RTP2: variants seen among roughly 807,000 people sequenced by gnomAD.
RTP2 encodes receptor-transporting protein 2.
RTP2 carries 12 observed loss-of-function variants against 17.9 expected under a neutral mutation model. The observed-to-expected ratio is 0.67, with a 90% CI of 0.43 to 1.09. The LOEUF (loss-of-function observed/expected upper bound fraction) is 1.09. RTP2 is among the 50% of genes least tolerant of loss of function. The pLI is 0.00. For synonymous variants in RTP2, 126 were observed against 117.7 expected (o/e 1.07, Z -0.46); for missense variants, 327 against 295.7 (o/e 1.11, Z -0.78).
chr3:187,710,659 C>A, the RTP2 span, among the ~76,000 whole-genome samples: 3 of 151,406 alleles, frequency 2.0e-5, no homozygotes, highest in Non-Finnish European at 2.9e-5. Flanking sequence ...ATATACACAC[C>A]CCACATATAG....
exon 1 of RTP2, chr3:187,702,105 A>G: frequency 6.2e-7 from 1 of 1,611,672 alleles, no homozygotes; most frequent in Non-Finnish European, 8.5e-7. Flanking sequence ...TCTTCCACTC[A>G]CAAGTGGTCA....
At chr3:187,712,772 C>A in the RTP2 span, among the ~76,000 whole-genome samples, 1 of 152,194 alleles carries the variant, frequency 6.6e-6, no homozygotes, top group Non-Finnish European at 1.5e-5. Flanking sequence ...TCCCAGAACA[C>A]CCCTAGTGAG....
chr3:187,703,220 C>T (rs1480142142), upstream of RTP2, among the ~76,000 whole-genome samples: 2 of 152,238 alleles, frequency 1.3e-5, no homozygotes, highest in Admixed American at 6.5e-5. Context: ...CAACTTCCAA[C>T]TGTAATCATC....
chr3:187,701,940 G>A (rs9812190), intron 1 of RTP2, 25 bp downstream of exon 1: 200,628 of 1,544,644 alleles, frequency 0.13, 14,871 homozygotes, highest in African/African-American at 0.31. Flanking sequence ...CTGTCTGCAA[G>A]GTCCCTCCCC....
chr3:187,702,199 G>A (rs979211786), exon 1 of RTP2: 10 of 1,453,734 alleles, frequency 6.9e-6, no homozygotes, highest in East Asian at 2.3e-5. Flanking sequence ...GGATAGGTAC[G>A]GGACAATTCA....
chr3:187,698,785 C>G lies in RTP2; in HGVS notation c.391G>C (p.Glu131Gln), dbSNP rs1717760054. ...ATGCGGTACTGGCCACCATCCTCCT[C>G]GTAGCACTGCTCGCGCAGGCTGGTG... The change falls in exon 2 of 2, where the codon GAG becomes CAG. Residue 131 changes from glutamate to glutamine, a missense_variant. Transcript: ENST00000358241. 3 of 1,613,884 alleles carry G rather than the reference C, an allele frequency of 1.9e-6. No individual in the cohort carries two copies. The East Asian group carries it at 6.7e-5, about 36-fold the overall frequency.
At chr3:187,714,802 T>A in the RTP2 span, among the ~76,000 whole-genome samples, 7 of 151,768 alleles carry the variant, frequency 4.6e-5, no homozygotes, top group East Asian at 1.4e-3. Context: ...TAGGCAGGGG[T>A]CTTGGTGTTT....
Position 187,698,837 on chromosome 3 carries a change from G to A in RTP2, c.339C>T (p.Asn113=), listed in dbSNP as rs764780736. The A allele has an allele frequency of 4.3e-6, 7 of 1,613,012 alleles. No individual in the cohort carries two copies. In the South Asian group the frequency reaches 5.5e-5, roughly 13 times the overall value. ...TGAGGTTGTCCACCAGGCCCTCGAT[G>A]TTCTCCTCCAGCATGCTGGACTCGT... The change falls in exon 2 of 2, where the codon AAC becomes AAT. Residue 113 remains asparagine (N), a synonymous_variant. Transcript: ENST00000358241.
the RTP2 span, among the ~76,000 whole-genome samples, chr3:187,714,697 C>G: frequency 6.6e-6 from 1 of 152,190 alleles, no homozygotes; most frequent in East Asian, 1.9e-4. Flanking sequence ...CTCAACAAAC[C>G]TGTACAGACG....
chr3:187,710,399 A>ATC, the RTP2 span, among the ~76,000 whole-genome samples: 1 of 140,854 alleles, frequency 7.1e-6, no homozygotes, highest in Non-Finnish European at 1.5e-5. Context: ...ATATATATAT[A>ATC]TCATATATTA....
chr3:187,712,622 A>G, the RTP2 span, among the ~76,000 whole-genome samples: 1 of 152,182 alleles, frequency 6.6e-6, no homozygotes, highest in East Asian at 1.9e-4. Context: ...TGAAAATATC[A>G]GGAGGCATGA....
rs757399958 is a variant in RTP2, at chr3:187,698,868, C to T, written c.308G>A (p.Arg103Gln). The change falls in exon 2 of 2, where the codon CGG becomes CAG. Residue 103 changes from arginine to glutamine, a missense_variant. Physicochemically the swap from Arg to Gln is conservative, Grantham distance 43 (BLOSUM62 1). Coordinates refer to ENST00000358241, the Ensembl canonical transcript of RTP2. ...CTCCAGCATGCTGGACTCGTCCAGC[C>T]GCGCCGTGCCGCACTCATAGCACAG... The T allele has an allele frequency of 1.4e-5, 22 of 1,613,118 alleles. 1 individual carries two copies. Among genetic ancestry groups the T allele is most frequent in the Admixed American group, 1.7e-5 (1 of 59,938 alleles).
At chr3:187,710,331 A>G in the RTP2 span, among the ~76,000 whole-genome samples, 1 of 151,280 alleles carries the variant, frequency 6.6e-6, no homozygotes, top group African/African-American at 2.4e-5. Flanking sequence ...CAACCTCTGC[A>G]ATCACATGAG....
upstream of RTP2, among the ~76,000 whole-genome samples, chr3:187,705,415 A>G (rs540789554): frequency 6.6e-6 from 1 of 152,336 alleles, no homozygotes; most frequent in South Asian, 2.1e-4. Flanking sequence ...AGCATGGGAT[A>G]GATTGTGCTG....
chr3:187,711,898 T>C, the RTP2 span, among the ~76,000 whole-genome samples: 2 of 152,202 alleles, frequency 1.3e-5, no homozygotes, highest in African/African-American at 2.4e-5. Flanking sequence ...ATTTTTCTAC[T>C]TATATATTCC....
upstream of RTP2, among the ~76,000 whole-genome samples, chr3:187,705,333 G>A (rs1366745824): frequency 1.3e-5 from 2 of 152,060 alleles, no homozygotes; most frequent in African/African-American, 4.8e-5. Flanking sequence ...TTGAGCTGAG[G>A]CTCAACACAC....
At chr3:187,699,726 A>C (rs1717792808) in intron 1 of RTP2, among the ~76,000 whole-genome samples, 1 of 131,238 alleles carries the variant, frequency 7.6e-6, no homozygotes, top group Non-Finnish European at 1.6e-5. Context: ...TCCCATTGCC[A>C]CTCCACACAC....
At chr3:187,699,104 C>T (rs1054193402) in intron 1 of RTP2, 93 bp from the exon 2 acceptor site, 69 of 1,414,370 alleles carry the variant, frequency 4.9e-5, no homozygotes, top group Non-Finnish European at 5.9e-5. Context: ...CCTGTGTGCC[C>T]GTGCTTGGAG....
At chr3:187,699,051 C>G (rs1003673361) in intron 1 of RTP2, 40 bp from the exon 2 acceptor site, 2 of 1,540,738 alleles carry the variant, frequency 1.3e-6, no homozygotes, top group East Asian at 2.3e-5. Context: ...GGTGGGCATC[C>G]CAGAGAAGCC....
Sources: allele counts gnomAD v4.1 joint callset (sites outside exome capture counted in the v4.1 genomes callset), GRCh38; gene constraint gnomAD v4.1.1; transcripts MANE v1.5; gene names NCBI Gene and HGNC (gene_info 2026-07-23, HGNC 2026-07-21).